The following CAMTA1 variants were observed in gnomAD, a reference collection of about 807,000 sequenced individuals.
CAMTA1 encodes calmodulin binding transcription activator 1.
Under a neutral mutation model 170.9 loss-of-function variants are expected in CAMTA1, and 27 were observed. The ratio of observed to expected loss-of-function variants is 0.16; its 90% CI spans 0.12 to 0.22. The LOEUF (loss-of-function observed/expected upper bound fraction) is 0.22, where lower values mean the gene tolerates loss of function less well. Among genes scored for constraint, CAMTA1 ranks in the 10% least tolerant of loss-of-function variants. The pLI is 1.00. For missense variants in CAMTA1, 1,619 were observed against 2,217.2 expected (o/e 0.73, Z 5.42); for synonymous variants, 833 against 891.5 (o/e 0.93, Z 1.17).
intron 5 of CAMTA1, among the ~76,000 whole-genome samples, chr1:7,310,647 T>TCTTTCTTTCCTTTCTTTC (rs61161982): frequency 2.0e-5 from 1 of 49,148 alleles, no homozygotes; most frequent in African/African-American, 8.0e-5. Flanking sequence ...TTTCTTTCTT[T>TCTTTCTTTCCTTTCTTTC]TTTCTTTCTT....
intron 4 of CAMTA1, among the ~76,000 whole-genome samples, chr1:7,236,337 C>T (rs1558288839): frequency 6.6e-6 from 1 of 152,188 alleles, no homozygotes; most frequent in Non-Finnish European, 1.5e-5. Context: ...CGCACTTTTT[C>T]CCTCCCCTTG....
At chr1:7,118,161 T>C (rs1385900130) in intron 4 of CAMTA1, among the ~76,000 whole-genome samples, 1 of 152,092 alleles carries the variant, frequency 6.6e-6, no homozygotes, top group Non-Finnish European at 1.5e-5. Context: ...CTCTGATTGC[T>C]GGGAAAATAG....
chr1:7,438,106 G>A (rs925499879), intron 5 of CAMTA1, among the ~76,000 whole-genome samples: 3 of 151,790 alleles, frequency 2.0e-5, no homozygotes, highest in Non-Finnish European at 2.9e-5. Flanking sequence ...GTGTAGAGGC[G>A]GAGGCAGAGG....
chr1:7,002,577 G>A (rs941990856), intron 3 of CAMTA1, among the ~76,000 whole-genome samples: 3 of 152,214 alleles, frequency 2.0e-5, no homozygotes, highest in Non-Finnish European at 2.9e-5. Context: ...AGAAATGACC[G>A]ACAAGACAGG....
rs58761569 is a variant in CAMTA1, at chr1:7,234,321, G to A, written c.303-15170G>A. On this transcript the variant is annotated intron_variant, in intron 4 of 22. Transcript: ENST00000303635. The surrounding 1 kb of genome is among the most constrained non-coding windows in gnomAD (Gnocchi z 5.0). Reference sequence around the variant, plus strand: ...GCCTCCGCTTCCACCCAGATGCTGCGTCCTGGGAGAGGCCTCTTGGCTGCC... The same window carrying A: ...GCCTCCGCTTCCACCCAGATGCTGCATCCTGGGAGAGGCCTCTTGGCTGCC... 9.1e-3 allele frequency among the ~76,000 whole-genome samples: 1,378 copies of A among 152,202 alleles called. 26 individuals carry two copies. Among genetic ancestry groups the A allele is most frequent in the African/African-American group, 0.032 (1,331 of 41,516 alleles).
At chr1:6,926,438 C>CTCTCTCTTTCTT (rs1553187940) in intron 3 of CAMTA1, among the ~76,000 whole-genome samples, 2 of 126,188 alleles carry the variant, frequency 1.6e-5, no homozygotes, top group East Asian at 2.3e-4. Context: ...TCTTTCTTTT[C>CTCTCTCTTTCTT]TCTTTCTTTC....
At chr1:7,364,492 C>G (rs1223343026) in intron 5 of CAMTA1, among the ~76,000 whole-genome samples, 4 of 151,634 alleles carry the variant, frequency 2.6e-5, no homozygotes, top group Admixed American at 6.6e-5. Context: ...CTCTGTCACC[C>G]AGGCTGAAGT....
At chr1:6,834,233 T>C (rs1651839187) in intron 3 of CAMTA1, 4 of 151,060 alleles carry the variant, frequency 2.6e-5, no homozygotes, top group Admixed American at 2.6e-4. Context: ...TATTTTTATT[T>C]ATAAATTTAA....
intron 4 of CAMTA1, among the ~76,000 whole-genome samples, chr1:7,110,226 G>A (rs1376168941): frequency 1.3e-5 from 2 of 151,998 alleles, no homozygotes; most frequent in African/African-American, 4.8e-5. Context: ...CACATTTTCT[G>A]GGCCATGTAA....
chr1:7,460,199 G>A (rs1266936516), intron 5 of CAMTA1, among the ~76,000 whole-genome samples: 2 of 152,238 alleles, frequency 1.3e-5, no homozygotes, highest in African/African-American at 2.4e-5. Flanking sequence ...GTCCTCTCCC[G>A]TGGCGGCCCC....
In CAMTA1 at chr1:7,640,641, TG is replaced by T; in HGVS notation, c.664+92del. On this transcript the variant is annotated intron_variant, in intron 7 of 22. Transcript: ENST00000303635. ...GGGCCAGGAAGGTCCTCTGTGGCCT[TG>T]GGGATGCGGGTCCGGAGCCCCATCT... The T allele has an allele frequency of 7.4e-6, 11 of 1,492,746 alleles. No individual in the cohort carries two copies. In the South Asian group the frequency reaches 1.1e-4, roughly 16 times the overall value. 92.5% of individuals were successfully genotyped at this position (1,492,746 alleles called of 1,614,324 possible). A position where few individuals can be genotyped will look rare whatever the true frequency, so the allele number is the denominator to read the frequency against.
chr1:7,668,904 G>A (rs1303799988), intron 9 of CAMTA1, among the ~76,000 whole-genome samples: 1 of 152,174 alleles, frequency 6.6e-6, no homozygotes, highest in Non-Finnish European at 1.5e-5. Context: ...GGATCCTGGG[G>A]GATGGTGCCC....
Position 7,585,544 on chromosome 1 carries a change from G to T in CAMTA1, c.511-54856G>T, listed in dbSNP as rs1440059928. On this transcript the variant is annotated intron_variant, in intron 6 of 22. Coordinates refer to ENST00000303635, the MANE Select transcript of CAMTA1 (RefSeq NM_015215.4). This position sits in a 1 kb window ranked among gnomAD's most constrained non-coding sequence, Gnocchi z 4.8. ...CAGATGGGTCCAGCCCATGGGCATT[G>T]TAAGGACTTGGGGTTTCACCGTGAG... 6.6e-6 allele frequency among the ~76,000 whole-genome samples: 1 copy of T among 152,172 alleles called. No individual in the cohort carries two copies. The highest frequency in any genetic ancestry group is 1.5e-5 in the Non-Finnish European group (1 of 68,028).
intron 3 of CAMTA1, among the ~76,000 whole-genome samples, chr1:7,031,001 ATTTTTTTTTT>A (rs58953861): frequency 1.0e-5 from 1 of 100,058 alleles, no homozygotes; most frequent in Non-Finnish European, 1.9e-5. Context: ...TGCCCAGCTA[ATTTTTTTTTT>A]TTTTTTTTTT....
intron 6 of CAMTA1, among the ~76,000 whole-genome samples, chr1:7,503,868 G>A (rs2094052365): frequency 6.6e-6 from 1 of 152,170 alleles, no homozygotes; most frequent in Non-Finnish European, 1.5e-5. Flanking sequence ...CCGGCTCTGA[G>A]CCACCTCCGC....
At chr1:6,987,303 C>T (rs1695524137) in intron 3 of CAMTA1, among the ~76,000 whole-genome samples, 1 of 152,148 alleles carries the variant, frequency 6.6e-6, no homozygotes, top group Non-Finnish European at 1.5e-5. Context: ...GCTGGGACTA[C>T]AGGCATGTGC....
intron 3 of CAMTA1, among the ~76,000 whole-genome samples, chr1:7,047,654 G>T (rs11580005): frequency 1.3e-4 from 20 of 151,702 alleles, no homozygotes; most frequent in African/African-American, 3.9e-4. Context: ...TGCATGTCTC[G>T]AAGCTCTTTG....
intron 5 of CAMTA1, among the ~76,000 whole-genome samples, chr1:7,428,946 C>G (rs1487450681): frequency 1.3e-5 from 2 of 152,214 alleles, no homozygotes; most frequent in East Asian, 3.8e-4. Context: ...CAGAAGTCAT[C>G]TTAGCAGATG....
At chr1:7,606,941 C>T (rs1465861338) in intron 6 of CAMTA1, among the ~76,000 whole-genome samples, 1 of 152,242 alleles carries the variant, frequency 6.6e-6, no homozygotes, top group East Asian at 1.9e-4. Flanking sequence ...ACCCTAGTCA[C>T]ATGTCTGCCT....
Sources: gnomAD v4.1 joint callset for allele counts (sites outside exome capture counted in the v4.1 genomes callset) on GRCh38, gnomAD v4.1.1 for gene constraint, Gnocchi (gnomAD v3.1) non-coding constraint, MANE v1.5 for transcripts, NCBI Gene and HGNC (gene_info 2026-07-23, HGNC 2026-07-21) for gene names.